Variants in COL10A1 observed in about 807,000 individuals in gnomAD.
The protein encoded by COL10A1 is collagen alpha-1(X) chain.
COL10A1 carries 10 observed loss-of-function variants against 18.2 expected under a neutral mutation model. The ratio of observed to expected loss-of-function variants is 0.55; its 90% CI spans 0.34 to 0.93. The LOEUF is 0.93. Among genes scored for constraint, COL10A1 ranks in the 40% least tolerant of loss-of-function variants. The pLI is 0.02. For synonymous variants in COL10A1, 330 were observed against 316.6 expected (o/e 1.04, Z -0.45); for missense variants, 897 against 853.5 (o/e 1.05, Z -0.64).
Position 116,120,891 on chromosome 6 carries a change from T to A in COL10A1, c.1225A>T (p.Lys409Ter). 1 of 1,613,826 alleles carries A rather than the reference T, an allele frequency of 6.2e-7. No individual in the cohort carries two copies. The highest frequency in any genetic ancestry group is 8.5e-7 in the Non-Finnish European group (1 of 1,179,856). Residue 409 changes from lysine (K) to a stop codon, truncating the protein, a stop_gained, in exon 3 of 3, where the codon AAA becomes TAA. Coordinates refer to ENST00000651968, the MANE Select transcript of COL10A1 (RefSeq NM_000493.4). LOFTEE classifies it low-confidence loss of function (END_TRUNC). ...GGTCCTCCAACTCCAGGATCACCTTTTGGACCTGGTAACCCTGGGTTACCC... is the reference window on the plus strand; with the variant it reads ...GGTCCTCCAACTCCAGGATCACCTTATGGACCTGGTAACCCTGGGTTACCC... ...PKGNPGLPGP[K>*]GDPGVGGPPG... is the part of the protein sequence containing the mutation.
chr6:116,192,877 T>C, the COL10A1 span, among the ~76,000 whole-genome samples: 1 of 152,084 alleles, frequency 6.6e-6, no homozygotes, highest in Non-Finnish European at 1.5e-5. Context: ...TTCCCCTGCT[T>C]TCTCACGTTG....
rs143861633 is a variant in COL10A1, at chr6:116,121,670, G to A, written c.446C>T (p.Pro149Leu). The part of the protein sequence containing the change: ...GPPGPPGIPG[P>L]AGISVPGKPG... Reference sequence around the variant, plus strand: ...TTTTCCTGGCACAGAAATTCCAGCCGGTCCAGGGATTCCAGGTGGTCCTGG... The same window carrying A: ...TTTTCCTGGCACAGAAATTCCAGCCAGTCCAGGGATTCCAGGTGGTCCTGG... Residue 149 changes from proline (P) to leucine (L), a missense_variant, in exon 3 of 3, where the codon CCG becomes CTG. Physicochemically the swap from Pro to Leu is moderately conservative, Grantham distance 98. Transcript: ENST00000651968. 42 of 1,613,726 alleles carry A rather than the reference G, an allele frequency of 2.6e-5. No individual in the cohort carries two copies. The highest frequency in any genetic ancestry group is 1.2e-4 in the South Asian group (11 of 91,060).
chr6:116,163,004 A>G (rs1463026789), upstream of COL10A1, among the ~76,000 whole-genome samples: 3 of 151,224 alleles, frequency 2.0e-5, no homozygotes, highest in Non-Finnish European at 3.0e-5. Context: ...GCAGGCACTT[A>G]TAGTCCCAGC....
At chr6:116,206,000 T>C in the COL10A1 span, among the ~76,000 whole-genome samples, 37 of 152,144 alleles carry the variant, frequency 2.4e-4, no homozygotes, top group African/African-American at 8.7e-4. Context: ...GAGAATGATC[T>C]AATAGACCAT....
At chr6:116,137,613 A>C (rs1779643583) in intron 1 of COL10A1, 1 of 212,912 alleles carries the variant, frequency 4.7e-6, no homozygotes, top group African/African-American at 2.3e-5. Context: ...CCCGTGCCTC[A>C]GTAGTGGGAA....
At chr6:116,214,861 G>A in the COL10A1 span, among the ~76,000 whole-genome samples, 1 of 151,922 alleles carries the variant, frequency 6.6e-6, no homozygotes, top group African/African-American at 2.4e-5. Flanking sequence ...CACCATGGAG[G>A]CATAGACTCA....
chr6:116,165,036 G>C, the COL10A1 span, among the ~76,000 whole-genome samples: 1 of 149,720 alleles, frequency 6.7e-6, no homozygotes, highest in Non-Finnish European at 1.5e-5. Flanking sequence ...GGCGGAGCTT[G>C]CAGTGAGCTG....
the COL10A1 span, among the ~76,000 whole-genome samples, chr6:116,211,334 T>C: frequency 6.6e-6 from 1 of 152,064 alleles, no homozygotes; most frequent in Non-Finnish European, 1.5e-5. Flanking sequence ...GAGATGATAA[T>C]ACATTGTTAT....
chr6:116,187,983 A>G, the COL10A1 span, among the ~76,000 whole-genome samples: 1 of 152,084 alleles, frequency 6.6e-6, no homozygotes, highest in African/African-American at 2.4e-5. Flanking sequence ...AGTGTAAAAA[A>G]GACCTATAAA....
chr6:116,192,731 A>G, the COL10A1 span, among the ~76,000 whole-genome samples: 21 of 152,038 alleles, frequency 1.4e-4, no homozygotes, highest in Non-Finnish European at 2.5e-4. Flanking sequence ...ACCAGAATCT[A>G]TCTGGTCTGA....
chr6:116,129,515 A>G (rs184992321), upstream of COL10A1, among the ~76,000 whole-genome samples: 758 of 152,292 alleles, frequency 5.0e-3, 19 homozygotes, highest in South Asian at 0.071. Flanking sequence ...TGGGCTTTAT[A>G]TAGAAGCAAG....
chr6:116,143,522 CTT>C (rs1250801203), intron 1 of COL10A1, among the ~76,000 whole-genome samples: 1 of 152,100 alleles, frequency 6.6e-6, no homozygotes, highest in Admixed American at 6.6e-5. Context: ...TTTCCCACCT[CTT>C]TAATTGTTTT....
the COL10A1 span, among the ~76,000 whole-genome samples, chr6:116,168,746 A>C: frequency 1.3e-5 from 2 of 151,966 alleles, no homozygotes; most frequent in African/African-American, 4.8e-5. Flanking sequence ...ATTACTTTCT[A>C]CAGAGAGTAC....
chr6:116,156,116 A>G (rs1291551201), intron 1 of COL10A1, among the ~76,000 whole-genome samples: 1 of 152,144 alleles, frequency 6.6e-6, no homozygotes, highest in Non-Finnish European at 1.5e-5. Context: ...TCAATAATAC[A>G]TATTTTCTTT....
At chr6:116,190,558 TAAAA>T in the COL10A1 span, among the ~76,000 whole-genome samples, 1 of 151,950 alleles carries the variant, frequency 6.6e-6, no homozygotes, top group Non-Finnish European at 1.5e-5. Context: ...TTTACACAGC[TAAAA>T]TTAAATTGAG....
At chr6:116,178,517 C>G in the COL10A1 span, among the ~76,000 whole-genome samples, 26 of 152,282 alleles carry the variant, frequency 1.7e-4, no homozygotes, top group South Asian at 3.3e-3. Flanking sequence ...GAAAACTAAC[C>G]GACTTCCAGT....
upstream of COL10A1, among the ~76,000 whole-genome samples, chr6:116,159,455 A>G (rs1172901544): frequency 1.3e-5 from 2 of 152,206 alleles, no homozygotes; most frequent in Non-Finnish European, 2.9e-5. Context: ...GTTAAAGTAT[A>G]CCATGCATTA....
At chr6:116,166,408 A>G in the COL10A1 span, among the ~76,000 whole-genome samples, 2 of 152,222 alleles carry the variant, frequency 1.3e-5, no homozygotes, top group African/African-American at 4.8e-5. Flanking sequence ...ACATAAAGGA[A>G]TGGATCAACC....
the COL10A1 span, among the ~76,000 whole-genome samples, chr6:116,183,286 A>G: frequency 4.6e-5 from 7 of 152,172 alleles, no homozygotes; most frequent in Admixed American, 3.3e-4. Flanking sequence ...GCCTTATAGT[A>G]TAGTTCAAAG....
Sources: allele counts gnomAD v4.1 joint callset (sites outside exome capture counted in the v4.1 genomes callset), GRCh38; gene constraint gnomAD v4.1.1; transcripts MANE v1.5; gene names NCBI Gene and HGNC (gene_info 2026-07-23, HGNC 2026-07-21).